The following CNTN5 variants were observed in gnomAD, a reference collection of about 807,000 sequenced individuals.
CNTN5 encodes the protein contactin 5.
Under a neutral mutation model 129.1 loss-of-function variants are expected in CNTN5, and 77 were observed. That is an observed-to-expected ratio of 0.60 (90% CI 0.50 to 0.72). The LOEUF (loss-of-function observed/expected upper bound fraction) is 0.72. CNTN5 is among the 30% of genes least tolerant of loss of function. The pLI is 0.00. For missense variants in CNTN5, 1,478 were observed against 1,328.8 expected, an observed-to-expected ratio of 1.11 and a Z score of -1.75; for synonymous variants, 509 against 465.6, an observed-to-expected ratio of 1.09 and a Z score of -1.20.
intron 13 of CNTN5, among the ~76,000 whole-genome samples, chr11:100,105,519 T>C (rs1945394179): frequency 6.6e-6 from 1 of 152,180 alleles, no homozygotes; most frequent in Non-Finnish European, 1.5e-5. Context: ...TCTCCTCAAG[T>C]AGTCCTACAA....
At chr11:99,915,520 A>G (rs941286089) in intron 6 of CNTN5, among the ~76,000 whole-genome samples, 1 of 151,998 alleles carries the variant, frequency 6.6e-6, no homozygotes, top group South Asian at 2.1e-4. Flanking sequence ...AAGTCACATA[A>G]CTTTCTTATT....
intron 20 of CNTN5, among the ~76,000 whole-genome samples, chr11:100,307,479 C>T (rs1026710259): frequency 1.4e-4 from 21 of 150,610 alleles, no homozygotes; most frequent in Non-Finnish European, 1.5e-4. Flanking sequence ...GAATAAAGTA[C>T]ACCTTTTGAT....
intron 3 of CNTN5, among the ~76,000 whole-genome samples, chr11:99,619,344 A>G (rs1213655702): frequency 6.6e-6 from 1 of 152,162 alleles, no homozygotes; most frequent in East Asian, 1.9e-4. Flanking sequence ...TAATAGCTCA[A>G]TGAGCAACTA....
intron 3 of CNTN5, among the ~76,000 whole-genome samples, chr11:99,797,130 C>G (rs928832159): frequency 6.6e-6 from 1 of 152,126 alleles, no homozygotes; most frequent in Non-Finnish European, 1.5e-5. Context: ...CACTGTATCA[C>G]ATTTCTTAAT....
chr11:99,943,249 C>A (rs186766945), intron 7 of CNTN5, among the ~76,000 whole-genome samples: 1 of 152,242 alleles, frequency 6.6e-6, no homozygotes, highest in East Asian at 1.9e-4. Context: ...GAGATGGTGT[C>A]TCATTGTGGT....
intron 21 of CNTN5, chr11:100,337,528 T>A: frequency 1.4e-6 from 1 of 740,570 alleles, no homozygotes; most frequent in Non-Finnish European, 2.5e-6. Context: ...CGCATGTCTG[T>A]ATCCCCAGTC....
At chr11:99,574,701 T>A (rs1370873381) in intron 3 of CNTN5, among the ~76,000 whole-genome samples, 1 of 152,218 alleles carries the variant, frequency 6.6e-6, no homozygotes, top group Non-Finnish European at 1.5e-5. Flanking sequence ...GCCACATAAA[T>A]GCCTTTCTTT....
At chr11:99,724,769 A>G (rs914509852) in intron 3 of CNTN5, among the ~76,000 whole-genome samples, 1 of 152,198 alleles carries the variant, frequency 6.6e-6, no homozygotes, top group African/African-American at 2.4e-5. Flanking sequence ...AAAAATTACA[A>G]AAACACAGCA....
chr11:99,955,869 C>A (rs1010502720), intron 7 of CNTN5, among the ~76,000 whole-genome samples: 7 of 152,100 alleles, frequency 4.6e-5, no homozygotes, highest in African/African-American at 1.7e-4. Flanking sequence ...CAGCCTATAT[C>A]ATTTATTTTA....
At chr11:99,178,162 A>C (rs1342521950) in intron 1 of CNTN5, among the ~76,000 whole-genome samples, 1 of 151,742 alleles carries the variant, frequency 6.6e-6, no homozygotes. Flanking sequence ...AACTAAAACA[A>C]ACAAACAAAC....
At chr11:100,088,329 T>C (rs58950821) in intron 13 of CNTN5, among the ~76,000 whole-genome samples, 14,907 of 151,942 alleles carry the variant, frequency 0.098, 1,584 homozygotes, top group African/African-American at 0.27. Flanking sequence ...CTAGAGGAAC[T>C]AGATAAATAA....
chr11:99,816,918 C>T (rs532710391), intron 3 of CNTN5, among the ~76,000 whole-genome samples: 2 of 152,276 alleles, frequency 1.3e-5, no homozygotes, highest in East Asian at 3.9e-4. Context: ...GAGTATCTTT[C>T]TTTCCCTACT....
intron 6 of CNTN5, among the ~76,000 whole-genome samples, chr11:99,861,945 G>A (rs912129759): frequency 6.6e-6 from 1 of 152,110 alleles, no homozygotes; most frequent in African/African-American, 2.4e-5. Flanking sequence ...CACAGTTAAA[G>A]TTTAGAAGCC....
At chr11:100,122,167 A>G (rs760587123) in intron 13 of CNTN5, among the ~76,000 whole-genome samples, 2 of 152,008 alleles carry the variant, frequency 1.3e-5, no homozygotes, top group Non-Finnish European at 2.9e-5. Flanking sequence ...AAGAAAGCCA[A>G]CGATGTCATT....
chr11:99,284,600 G>GGTGTGTGT (rs71046675), intron 1 of CNTN5, among the ~76,000 whole-genome samples: 4 of 124,752 alleles, frequency 3.2e-5, no homozygotes, highest in Admixed American at 8.4e-5. Flanking sequence ...AGAGATGAGT[G>GGTGTGTGT]GTGTGTGTGT....
At chr11:99,951,682 C>T (rs367668917) in intron 7 of CNTN5, among the ~76,000 whole-genome samples, 133 of 152,122 alleles carry the variant, frequency 8.7e-4, no homozygotes, top group African/African-American at 3.0e-3. Flanking sequence ...TGATCTTTTT[C>T]TCTTTTGCTC....
chr11:100,258,623 G>C lies in CNTN5; in HGVS notation c.2164+2705G>C, dbSNP rs192842361. Among the ~76,000 whole-genome samples, 942 of 140,808 alleles carry C rather than the reference G, an allele frequency of 6.7e-3. 8 individuals are homozygous for C. Among genetic ancestry groups the C allele is most frequent in the Non-Finnish European group, 8.9e-3 (565 of 63,656 alleles). The allele number at this position is 140,808 out of a possible 152,430, so 92.4% of individuals were successfully genotyped here. On this transcript the variant is annotated intron_variant, in intron 17 of 24. Coordinates refer to ENST00000524871, the MANE Select transcript of CNTN5 (RefSeq NM_014361.4). ...AACTCTACAAGCCAGAAGAGAGTGGGGGCCAACATTCAACATTCAACATTC... is the reference window on the plus strand; with the variant it reads ...AACTCTACAAGCCAGAAGAGAGTGGCGGCCAACATTCAACATTCAACATTC...
intron 24 of CNTN5, among the ~76,000 whole-genome samples, chr11:100,351,657 T>TAAA (rs60798966): frequency 2.5e-4 from 26 of 103,608 alleles, no homozygotes; most frequent in East Asian, 7.6e-4. Flanking sequence ...GTAGAGATAG[T>TAAA]AAAAAAAAAA....
At chr11:100,270,055 T>A (rs1565386602) in intron 17 of CNTN5, among the ~76,000 whole-genome samples, 1 of 152,142 alleles carries the variant, frequency 6.6e-6, no homozygotes, top group Non-Finnish European at 1.5e-5. Flanking sequence ...GGAACAGAGT[T>A]GTTTTTTGTT....
Sources: gnomAD v4.1 joint callset for allele counts (sites outside exome capture counted in the v4.1 genomes callset) on GRCh38, gnomAD v4.1.1 for gene constraint, MANE v1.5 for transcripts, NCBI Gene and HGNC (gene_info 2026-07-23, HGNC 2026-07-21) for gene names.